JPT2: variants seen among roughly 807,000 people sequenced by gnomAD.
The protein encoded by JPT2 is CRAMP_1 like.
Under a neutral mutation model 15.9 loss-of-function variants are expected in JPT2, and 9 were observed. The ratio of observed to expected loss-of-function variants is 0.57; its 90% CI spans 0.34 to 0.99. The LOEUF is 0.99. Among genes scored for constraint, JPT2 ranks in the 50% least tolerant of loss-of-function variants. The pLI is 0.02. For synonymous variants in JPT2, 95 were observed against 91.7 expected, an observed-to-expected ratio of 1.04 and a Z score of -0.21; for missense variants, 267 against 252.1, an observed-to-expected ratio of 1.06 and a Z score of -0.40.
chr16:1,681,557 T>G (rs1427746583), intron 1 of JPT2, among the ~76,000 whole-genome samples: 2 of 152,156 alleles, frequency 1.3e-5, no homozygotes, highest in East Asian at 3.8e-4. Context: ...CAGACTCAAT[T>G]TGGGTTTCAC....
Position 1,699,733 on chromosome 16 carries a change from G to T in JPT2, c.*735G>T, listed in dbSNP as rs2037168289. On this transcript the variant is annotated 3_prime_UTR_variant, in exon 5 of 5. Coordinates refer to ENST00000248098, the MANE Select transcript of JPT2 (RefSeq NM_144570.3). Reference sequence around the variant, plus strand: ...TCCTTTACATGCCAGTTTTGCTTGTGAATTCTTGCTTTTTTCCTCTCATCA... The same window carrying T: ...TCCTTTACATGCCAGTTTTGCTTGTTAATTCTTGCTTTTTTCCTCTCATCA... The T allele has an allele frequency of 8.6e-6, 2 of 232,802 alleles. No homozygotes were observed. Among genetic ancestry groups the T allele is most frequent in the Admixed American group, 1.0e-4 (2 of 19,596 alleles). 14.4% of individuals were successfully genotyped at this position (232,802 alleles called of 1,614,324 possible).
intron 1 of JPT2, among the ~76,000 whole-genome samples, chr16:1,679,327 A>G (rs7204819): frequency 0.085 from 12,900 of 152,296 alleles, 615 homozygotes; most frequent in African/African-American, 0.12. Context: ...CCTTTTGGCT[A>G]TGATCAAGTG....
intron 3 of JPT2, among the ~76,000 whole-genome samples, chr16:1,694,876 T>C (rs1181391782): frequency 6.6e-6 from 1 of 152,154 alleles, no homozygotes; most frequent in Non-Finnish European, 1.5e-5. Flanking sequence ...AACTATAAAA[T>C]TCTTAGAAGA....
Position 1,701,352 on chromosome 16 carries a change from TAGG to T in JPT2, c.*2357_*2359del, listed in dbSNP as rs2037178961. On this transcript the variant is annotated 3_prime_UTR_variant, in exon 5 of 5. Transcript: ENST00000248098. ...TACTCACATCACAATGTCATTTTGATAGGAGCGTTTTGTTATTTTTACAAGGCA... is the reference window on the plus strand; with the variant it reads ...TACTCACATCACAATGTCATTTTGATAGCGTTTTGTTATTTTTACAAGGCA... 6.6e-6 allele frequency: 1 copy of T among 152,610 alleles called. No individual in the cohort carries two copies. The allele number at this position is 152,610 out of a possible 1,614,324, so 9.5% of individuals were successfully genotyped here. A position where few individuals can be genotyped will look rare whatever the true frequency, so the allele number is the denominator to read the frequency against.
chr16:1,686,795 A>C (rs2037070228), intron 2 of JPT2: 1 of 152,064 alleles, frequency 6.6e-6, no homozygotes, highest in African/African-American at 2.4e-5. Flanking sequence ...CCGTCTGTAC[A>C]AGAGGGGAAA....
At chr16:1,680,162 G>A (rs899536974) in intron 1 of JPT2, among the ~76,000 whole-genome samples, 1 of 152,226 alleles carries the variant, frequency 6.6e-6, no homozygotes, top group Non-Finnish European at 1.5e-5. Context: ...TCCGGTTTCT[G>A]GTTCCTGGTG....
At chr16:1,693,799 G>GC (rs1170612383) in intron 3 of JPT2, among the ~76,000 whole-genome samples, 2 of 151,458 alleles carry the variant, frequency 1.3e-5, no homozygotes, top group Non-Finnish European at 2.9e-5. Flanking sequence ...AAATGAGGAA[G>GC]CCCTTACAGG....
At chr16:1,681,587 C>G (rs113819560) in intron 1 of JPT2, among the ~76,000 whole-genome samples, 10 of 152,288 alleles carry the variant, frequency 6.6e-5, no homozygotes, top group African/African-American at 2.4e-4. Flanking sequence ...ATTTTGGAGT[C>G]CCGATGGCAC....
chr16:1,683,743 T>G, intron 1 of JPT2: 1 of 597,718 alleles, frequency 1.7e-6, no homozygotes, highest in Non-Finnish European at 2.9e-6. Context: ...TCAGCGCTCT[T>G]TCTAGATCTT....
intron 1 of JPT2, chr16:1,680,202 G>C (rs888371949): frequency 7.3e-6 from 3 of 413,000 alleles, no homozygotes; most frequent in African/African-American, 2.2e-5. Flanking sequence ...CACATCAGTG[G>C]GGGGAGGGAC....
chr16:1,678,883 G>T (rs1157442610), intron 1 of JPT2, among the ~76,000 whole-genome samples: 2 of 152,210 alleles, frequency 1.3e-5, no homozygotes, highest in Admixed American at 1.3e-4. Context: ...TGTGGCCTGT[G>T]CCCTGCCCAT....
At position 1,695,687 on chromosome 16, in the gene JPT2, A is replaced by C. The variant is rs571546671; in HGVS notation, c.337-2125A>C. ...GGATTTTGAGACCAGCCTGGGCAGC[A>C]TGACAAAACCCCTTCTCCACAAAAA... On this transcript the variant is annotated intron_variant, in intron 3 of 4. Coordinates refer to ENST00000248098, the MANE Select transcript of JPT2 (RefSeq NM_144570.3). 2.0e-5 allele frequency among the ~76,000 whole-genome samples: 3 copies of C among 152,184 alleles called. No homozygotes were observed. In the East Asian group the frequency reaches 5.8e-4, roughly 30 times the overall value.
chr16:1,693,967 T>C (rs2037122980), intron 3 of JPT2, among the ~76,000 whole-genome samples: 1 of 152,018 alleles, frequency 6.6e-6, no homozygotes, highest in African/African-American at 2.4e-5. Flanking sequence ...CTAAAAGTAA[T>C]GTAATTTACG....
chr16:1,697,194 A>G (rs1169552893), intron 3 of JPT2, among the ~76,000 whole-genome samples: 3 of 152,238 alleles, frequency 2.0e-5, no homozygotes, highest in Non-Finnish European at 4.4e-5. Context: ...TACAGCATGG[A>G]TGAAATATTA....
intron 3 of JPT2, chr16:1,692,263 T>C: frequency 4.4e-6 from 2 of 454,282 alleles, no homozygotes; most frequent in Non-Finnish European, 7.9e-6. Flanking sequence ...ACTGCAGTGC[T>C]GCGGGGCGCG....
At chr16:1,696,376 C>A (rs2037141988) in intron 3 of JPT2, among the ~76,000 whole-genome samples, 1 of 151,908 alleles carries the variant, frequency 6.6e-6, no homozygotes, top group Admixed American at 6.6e-5. Context: ...ACTAAAAATA[C>A]AAAAAAAGTA....
intron 4 of JPT2, 114 bp downstream of exon 4, chr16:1,697,974 T>C: frequency 3.3e-6 from 3 of 911,736 alleles, no homozygotes; most frequent in Non-Finnish European, 5.3e-6. Context: ...CTGGGCCACC[T>C]GATTAAAACG....
intron 1 of JPT2, among the ~76,000 whole-genome samples, chr16:1,679,526 G>A (rs549175872): frequency 2.0e-5 from 3 of 151,594 alleles, no homozygotes; most frequent in East Asian, 3.9e-4. Context: ...TGAAACCCCC[G>A]TCTCTACTAA....
chr16:1,692,770 C>T (rs1428131816), intron 3 of JPT2, among the ~76,000 whole-genome samples: 6 of 152,240 alleles, frequency 3.9e-5, no homozygotes, highest in African/African-American at 7.2e-5. Flanking sequence ...CATCTATTCA[C>T]TTTTCTACCT....
Sources: gnomAD v4.1 joint callset for allele counts (sites outside exome capture counted in the v4.1 genomes callset) on GRCh38, gnomAD v4.1.1 for gene constraint, MANE v1.5 for transcripts, NCBI Gene and HGNC (gene_info 2026-07-23, HGNC 2026-07-21) for gene names.